The following SERTM1 variants were observed in gnomAD, a reference collection of about 807,000 sequenced individuals.
SERTM1 encodes serine rich and transmembrane domain containing 1.
SERTM1 carries 1 observed loss-of-function variant against 5.5 expected under a neutral mutation model. The ratio of observed to expected loss-of-function variants is 0.18; its 90% confidence interval spans 0.06 to 0.86. The LOEUF (loss-of-function observed/expected upper bound fraction) is 0.86, where lower values mean the gene tolerates loss of function less well. SERTM1 is among the 40% of genes least tolerant of loss of function. The pLI, the probability that SERTM1 is intolerant of heterozygous loss-of-function variation, is 0.69. For missense variants in SERTM1, 91 were observed against 122.4 expected (o/e 0.74, Z 1.21); for synonymous variants, 52 against 55.1 (o/e 0.94, Z 0.25).
chr13:36,694,457 C>T (rs113262316), intron 1 of SERTM1, among the ~76,000 whole-genome samples: 1,558 of 152,286 alleles, frequency 0.01, 28 homozygotes, highest in African/African-American at 0.036. Flanking sequence ...AAAAAGCAAA[C>T]TCACATGTGC....
At chr13:36,675,117 G>T (rs2056661605) in intron 1 of SERTM1, among the ~76,000 whole-genome samples, 1 of 152,138 alleles carries the variant, frequency 6.6e-6, no homozygotes, top group Non-Finnish European at 1.5e-5. Context: ...ATCGGACTTG[G>T]GTTTGATCTC....
intron 1 of SERTM1, among the ~76,000 whole-genome samples, chr13:36,676,806 A>T (rs1345519191): frequency 2.0e-5 from 3 of 152,202 alleles, no homozygotes; most frequent in African/African-American, 7.2e-5. Context: ...TGAGAGCTAA[A>T]AATAATAATA....
chr13:36,691,376 T>G (rs1021956291), intron 1 of SERTM1, among the ~76,000 whole-genome samples: 5 of 152,166 alleles, frequency 3.3e-5, no homozygotes, highest in African/African-American at 1.2e-4. Flanking sequence ...GTGCGCTGTC[T>G]TACGTTGTCT....
chr13:36,694,044 A>AT (rs372548327), intron 1 of SERTM1, among the ~76,000 whole-genome samples: 5 of 152,112 alleles, frequency 3.3e-5, no homozygotes, highest in African/African-American at 9.6e-5. Context: ...CACTAAAGTC[A>AT]TTTTTTTCTC....
chr13:36,681,486 T>C (rs1252623483), intron 1 of SERTM1, among the ~76,000 whole-genome samples: 1 of 152,208 alleles, frequency 6.6e-6, no homozygotes. Flanking sequence ...TTTTTCAAGC[T>C]GTTTTTGTTT....
Position 36,674,050 on chromosome 13 carries a change from C to T in SERTM1, c.-308C>T, listed in dbSNP as rs1012283570. On this transcript the variant is annotated 5_prime_UTR_variant, in exon 1 of 2. Transcript: ENST00000315190. ...CGCTGCGCCTGCTGTCCGCCGTGCG[C>T]CCAGACTGCGCGCCGCGCCGCTGCG... 6.6e-6 allele frequency: 1 copy of T among 152,284 alleles called. No individual in the cohort carries two copies. The highest frequency in any genetic ancestry group is 1.5e-5 in the Non-Finnish European group (1 of 68,138). The allele number at this position is 152,284 out of a possible 1,614,324, so 9.4% of individuals were successfully genotyped here.
rs538575820 is a variant in SERTM1 at position 36,677,072 on chromosome 13, T to G, written c.-174+2888T>G. ...CTACTGGGCCAAATTCTGTGGTCCCTTCTGTTCTGATTCTGATTTGTGGCA... is the reference window on the plus strand; with the variant it reads ...CTACTGGGCCAAATTCTGTGGTCCCGTCTGTTCTGATTCTGATTTGTGGCA... On this transcript the variant is annotated intron_variant, in intron 1 of 1. Transcript: ENST00000315190. Among the ~76,000 whole-genome samples, 41 of 152,274 alleles carry G rather than the reference T, an allele frequency of 2.7e-4. No individual in the cohort carries two copies. In the South Asian group the frequency reaches 7.5e-3, roughly 28 times the overall value.
Position 36,695,138 on chromosome 13 carries a change from T to G in SERTM1, c.60T>G (p.Leu20=). 1 of 1,614,222 alleles carries G rather than the reference T, an allele frequency of 6.2e-7. No homozygotes were observed. Among genetic ancestry groups the G allele is most frequent in the South Asian group, 1.1e-5 (1 of 91,084 alleles). The change falls in exon 2 of 2, where the codon CTT becomes CTG. Residue 20 remains leucine, a synonymous_variant. Coordinates refer to ENST00000315190, the MANE Select transcript of SERTM1 (RefSeq NM_203451.3). ...GAAGTGTGGAGAATGGAACTTTTCT[T>G]GAGCTGTTTCCCACATCCCTGTCCA... ...FSGSVENGTF[L]ELFPTSLSTS...
intron 1 of SERTM1, among the ~76,000 whole-genome samples, chr13:36,678,345 ATAG>A (rs910765944): frequency 1.1e-4 from 17 of 152,110 alleles, no homozygotes; most frequent in African/African-American, 3.1e-4. Context: ...TGTGTGTATA[ATAG>A]TAGTAGCAGT....
At chr13:36,690,172 C>T (rs768931360) in intron 1 of SERTM1, among the ~76,000 whole-genome samples, 2 of 152,174 alleles carry the variant, frequency 1.3e-5, no homozygotes, top group Admixed American at 1.3e-4. Flanking sequence ...CACCTTTCTT[C>T]GCATAACATG....
intron 1 of SERTM1, among the ~76,000 whole-genome samples, chr13:36,680,234 A>G (rs1379397564): frequency 6.6e-6 from 1 of 152,178 alleles, no homozygotes; most frequent in Non-Finnish European, 1.5e-5. Context: ...TGCTAGTCTC[A>G]GACCTTCAGA....
chr13:36,695,089 C>A lies in SERTM1; in HGVS notation c.11C>A (p.Pro4His), dbSNP rs984120770. 1 of 1,613,232 alleles carries A rather than the reference C, an allele frequency of 6.2e-7. No homozygotes were observed. Among genetic ancestry groups the A allele is most frequent in the Non-Finnish European group, 8.5e-7 (1 of 1,179,460 alleles). Reference protein sequence around the residue: MSEPDTSSGFSGSV... With the variant: MSEHDTSSGFSGSV... The stretch of plus-strand genomic sequence containing the variant: ...TCACCCTCCATAAAGATGTCTGAAC[C>A]TGACACTTCCTCAGGATTTTCGGGA... Residue 4 changes from proline (P) to histidine (H), a missense_variant, in exon 2 of 2, where the codon CCT becomes CAT. Coordinates refer to ENST00000315190, the MANE Select transcript of SERTM1 (RefSeq NM_203451.3).
chr13:36,686,548 G>T (rs2056742559), intron 1 of SERTM1, among the ~76,000 whole-genome samples: 1 of 152,068 alleles, frequency 6.6e-6, no homozygotes, highest in East Asian at 1.9e-4. Context: ...ATGTATGTAT[G>T]CATGTATATG....
intron 1 of SERTM1, among the ~76,000 whole-genome samples, chr13:36,692,094 T>C (rs528430417): frequency 2.0e-5 from 3 of 152,310 alleles, no homozygotes; most frequent in East Asian, 1.9e-4. Flanking sequence ...ATTAAATCAA[T>C]AATATTTGGG....
chr13:36,697,691 G>A lies in SERTM1; in HGVS notation c.*2289G>A, dbSNP rs2056825500. ...TCTCAATGTTTAGTAGAGAAATTAA[G>A]AGCCACATTCAAAGATGGAAAATAA... On this transcript the variant is annotated 3_prime_UTR_variant, in exon 2 of 2. Transcript: ENST00000315190. 6.0e-6 allele frequency: 1 copy of A among 167,118 alleles called. No individual in the cohort carries two copies. The highest frequency in any genetic ancestry group is 2.1e-4 in the South Asian group (1 of 4,830). 10.4% of individuals were successfully genotyped at this position (167,118 alleles called of 1,614,324 possible).
At chr13:36,686,782 G>T (rs1042949928) in intron 1 of SERTM1, among the ~76,000 whole-genome samples, 48 of 152,112 alleles carry the variant, frequency 3.2e-4, no homozygotes, top group African/African-American at 1.1e-3. Flanking sequence ...AACAAAGCTG[G>T]TTTTTTTAAT....
chr13:36,679,568 T>C (rs1036941515), intron 1 of SERTM1, among the ~76,000 whole-genome samples: 4 of 151,994 alleles, frequency 2.6e-5, no homozygotes, highest in African/African-American at 9.7e-5. Context: ...CCACCACACC[T>C]GGCTAATTTT....
At position 36,695,524 on chromosome 13, in the gene SERTM1, T is replaced by A; in HGVS notation, c.*122T>A. On this transcript the variant is annotated 3_prime_UTR_variant, in exon 2 of 2. Transcript: ENST00000315190. ...GGTGTAGACCTGCTTCTCCTTCTCC[T>A]TTTTCTCTGATTTCTTTTCTGTTCA... 1.4e-6 allele frequency: 1 copy of A among 698,302 alleles called. No homozygotes were observed. The highest frequency in any genetic ancestry group is 2.5e-6 in the Non-Finnish European group (1 of 407,768). The allele number at this position is 698,302 out of a possible 1,614,324, so 43.3% of individuals were successfully genotyped here.
chr13:36,684,825 A>G (rs1317901160), intron 1 of SERTM1, among the ~76,000 whole-genome samples: 1 of 152,210 alleles, frequency 6.6e-6, no homozygotes, highest in Admixed American at 6.5e-5. Context: ...AAGGACTGTC[A>G]AAGTCAGTTA....
Sources: allele counts gnomAD v4.1 joint callset (sites outside exome capture counted in the v4.1 genomes callset), GRCh38; gene constraint gnomAD v4.1.1; transcripts MANE v1.5; gene names NCBI Gene and HGNC (gene_info 2026-07-23, HGNC 2026-07-21).